TP73: variants seen among roughly 807,000 people sequenced by gnomAD.
TP73 encodes p53-like transcription factor.
A neutral mutation model predicts 62.5 loss-of-function variants in TP73; 25 were observed. That is an observed-to-expected ratio of 0.40 (90% CI 0.29 to 0.56). The LOEUF is 0.56. TP73 is among the 20% of genes least tolerant of loss of function. TP73 has a pLI of 0.46. For missense variants in TP73, 754 were observed against 913.3 expected (o/e 0.83, Z 2.25); for synonymous variants, 423 against 377.5 (o/e 1.12, Z -1.40).
chr1:3,658,843 G>A (rs1473514577), intron 1 of TP73: 2 of 95,850 alleles, frequency 2.1e-5, no homozygotes, highest in South Asian at 3.5e-4. Flanking sequence ...TTGGGGTGAC[G>A]TATTCTAGTC....
In TP73 at chr1:3,670,893, C is replaced by T. The variant is rs372012253; in HGVS notation, c.-33-11440C>T. ...TGCCAGGCGGGTGCTGGGGCTGCAG[C>T]GCAGAGAGCAGTCAGGGCTTGGTGG... On this transcript the variant is annotated intron_variant, in intron 1 of 13. Transcript: ENST00000378295. The surrounding 1 kb of genome is among the most constrained non-coding windows in gnomAD (Gnocchi z 5.9). 5.9e-5 allele frequency among the ~76,000 whole-genome samples: 9 copies of T among 152,276 alleles called. No homozygotes were observed. The East Asian group carries it at 9.7e-4, about 16-fold the overall frequency.
intron 1 of TP73, chr1:3,659,442 C>T (rs997778103): frequency 6.6e-6 from 1 of 152,042 alleles, no homozygotes; most frequent in African/African-American, 2.4e-5. Flanking sequence ...TTCGTGATTC[C>T]AATAAGAACG....
At chr1:3,686,421 CA>C (rs761690378) in intron 3 of TP73, among the ~76,000 whole-genome samples, 3 of 152,188 alleles carry the variant, frequency 2.0e-5, no homozygotes, top group Non-Finnish European at 4.4e-5. Flanking sequence ...GCTGGGGTGA[CA>C]GGGGGTAGGA....
At chr1:3,732,702 C>T in intron 13 of TP73, 45 bp from the exon 14 acceptor site, 1 of 1,518,900 alleles carries the variant, frequency 6.6e-7, no homozygotes, top group Non-Finnish European at 8.9e-7. Flanking sequence ...CCCCTGCTCT[C>T]CCTGCTCCAC....
intron 1 of TP73, among the ~76,000 whole-genome samples, chr1:3,661,483 C>G (rs749648297): frequency 6.6e-6 from 1 of 151,738 alleles, no homozygotes; most frequent in Non-Finnish European, 1.5e-5. Context: ...CTGACATGAG[C>G]GGATCACTAG....
chr1:3,669,262 G>A lies in TP73; in HGVS notation c.-33-13071G>A, dbSNP rs542395566. On this transcript the variant is annotated intron_variant, in intron 1 of 13. Transcript: ENST00000378295. ...AGTGGCTCCGGGGGCCCACCCTGGGGTGCAGAGAGCCCCTCTACGGCCTCC... is the reference window on the plus strand; with the variant it reads ...AGTGGCTCCGGGGGCCCACCCTGGGATGCAGAGAGCCCCTCTACGGCCTCC... Among the ~76,000 whole-genome samples the A allele has an allele frequency of 3.9e-5, 6 of 152,340 alleles. No homozygotes were observed. In the South Asian group the frequency reaches 1.0e-3, roughly 26 times the overall value.
intron 1 of TP73, among the ~76,000 whole-genome samples, chr1:3,661,222 C>T (rs142093993): frequency 5.5e-4 from 84 of 152,132 alleles, no homozygotes; most frequent in African/African-American, 1.9e-3. Flanking sequence ...TAGGAAATCC[C>T]AAACGTTAAT....
intron 1 of TP73, among the ~76,000 whole-genome samples, chr1:3,681,162 G>A (rs776516630): frequency 3.9e-5 from 6 of 152,226 alleles, no homozygotes; most frequent in African/African-American, 7.2e-5. Context: ...ATCAGCTCCC[G>A]CCTGCCTGGG....
intron 4 of TP73, among the ~76,000 whole-genome samples, chr1:3,708,894 C>G (rs915860674): frequency 3.9e-5 from 6 of 152,228 alleles, no homozygotes; most frequent in South Asian, 4.1e-4. Context: ...CCTCCCCGGG[C>G]ACAGCTCAGT....
At chr1:3,698,704 A>T (rs1638886858) in intron 3 of TP73, among the ~76,000 whole-genome samples, 1 of 152,158 alleles carries the variant, frequency 6.6e-6, no homozygotes, top group South Asian at 2.1e-4. Flanking sequence ...CCCTTGCACC[A>T]GGCCACAGTG....
At chr1:3,682,456 T>A (rs1557505365) in intron 2 of TP73, 26 bp downstream of exon 2, 1 of 1,468,450 alleles carries the variant, frequency 6.8e-7, no homozygotes, top group Admixed American at 2.2e-5. Context: ...TGGCCAGAGC[T>A]GGGGGCCCCC....
At chr1:3,688,051 C>T (rs767566710) in intron 3 of TP73, among the ~76,000 whole-genome samples, 2 of 152,048 alleles carry the variant, frequency 1.3e-5, no homozygotes, top group African/African-American at 2.4e-5. Flanking sequence ...AAAGGGCAGG[C>T]GGACAGAGGG....
At chr1:3,703,195 G>A (rs534868192) in intron 3 of TP73, among the ~76,000 whole-genome samples, 1 of 152,334 alleles carries the variant, frequency 6.6e-6, no homozygotes, top group African/African-American at 2.4e-5. Flanking sequence ...CAGGGGCGGT[G>A]ACCACAGGCA....
intron 4 of TP73, among the ~76,000 whole-genome samples, chr1:3,718,737 T>G (rs1204832572): frequency 6.6e-6 from 1 of 152,144 alleles, no homozygotes; most frequent in African/African-American, 2.4e-5. Context: ...CCCCTCCCCC[T>G]GAGTGTCTGG....
chr1:3,674,070 T>C (rs1465071450), intron 1 of TP73, among the ~76,000 whole-genome samples: 2 of 152,168 alleles, frequency 1.3e-5, no homozygotes, highest in African/African-American at 4.8e-5. Context: ...CACTGGGCCG[T>C]CGTGGGGTGG....
chr1:3,700,931 C>T (rs574844869), intron 3 of TP73, among the ~76,000 whole-genome samples: 163 of 152,372 alleles, frequency 1.1e-3, no homozygotes, highest in African/African-American at 3.8e-3. Flanking sequence ...CCCAGCTCCC[C>T]TCCAGCTCCT....
At chr1:3,708,860 C>A (rs745808945) in intron 4 of TP73, among the ~76,000 whole-genome samples, 2 of 152,214 alleles carry the variant, frequency 1.3e-5, no homozygotes, top group Admixed American at 6.5e-5. Context: ...CACTGGGCAG[C>A]GTCCCCTCCC....
intron 1 of TP73, among the ~76,000 whole-genome samples, chr1:3,659,760 C>T (rs1644950567): frequency 6.6e-6 from 1 of 152,158 alleles, no homozygotes; most frequent in Non-Finnish European, 1.5e-5. Context: ...CGACTCACTG[C>T]AAACTCTGCC....
At chr1:3,679,819 GTC>G (rs1557502541) in intron 1 of TP73, among the ~76,000 whole-genome samples, 1 of 140,754 alleles carries the variant, frequency 7.1e-6, no homozygotes, top group African/African-American at 2.7e-5. Flanking sequence ...CTCTGTCTCT[GTC>G]TCTGTCTCTC....
Sources: gnomAD v4.1 joint callset for allele counts (sites outside exome capture counted in the v4.1 genomes callset) on GRCh38, gnomAD v4.1.1 for gene constraint, Gnocchi (gnomAD v3.1) non-coding constraint, MANE v1.5 for transcripts, NCBI Gene and HGNC (gene_info 2026-07-23, HGNC 2026-07-21) for gene names.